SH3RF1: variants seen among roughly 807,000 people sequenced by gnomAD.
SH3RF1 encodes the protein SH3 domain containing ring finger 1, also known as E3 ubiquitin-protein ligase SH3RF1.
Under a neutral mutation model 74.0 loss-of-function variants are expected in SH3RF1, and 32 were observed. That is an observed-to-expected ratio of 0.43 (90% confidence interval 0.33 to 0.58). The LOEUF is 0.58. Ranked by LOEUF, SH3RF1 falls within the 20% of genes least tolerant of loss-of-function variation. The pLI is 0.05. For synonymous variants in SH3RF1, 396 were observed against 439.6 expected (o/e 0.90, Z 1.24); for missense variants, 954 against 1,130.9 (o/e 0.84, Z 2.24).
At chr4:169,209,282 C>A (rs1483179674) in intron 2 of SH3RF1, among the ~76,000 whole-genome samples, 1 of 150,096 alleles carries the variant, frequency 6.7e-6, no homozygotes, top group Non-Finnish European at 1.5e-5. Flanking sequence ...GAACAAGACC[C>A]TGTCCGAAAA....
rs768086359 is a variant in SH3RF1, at chr4:169,095,414, G to T, written c.*1105C>A. 2.0e-5 allele frequency: 3 copies of T among 152,522 alleles called. No homozygotes were observed. Among genetic ancestry groups the T allele is most frequent in the Non-Finnish European group, 4.4e-5 (3 of 68,024 alleles). The allele number at this position is 152,522 out of a possible 1,614,324, so 9.4% of individuals were successfully genotyped here. ...TACAAACTCATCTTAACAGGAAATC[G>T]CAATGAAATATACACACCATGCACA... On this transcript the variant is annotated 3_prime_UTR_variant, in exon 12 of 12. Coordinates refer to ENST00000284637, the MANE Select transcript of SH3RF1 (RefSeq NM_020870.4).
At chr4:169,151,371 C>G (rs548080770) in intron 4 of SH3RF1, among the ~76,000 whole-genome samples, 1 of 152,288 alleles carries the variant, frequency 6.6e-6, no homozygotes, top group Admixed American at 6.5e-5. Context: ...CTTGCTGGTA[C>G]CAGGCACTAT....
At chr4:169,114,922 A>C (rs1230319612) in intron 10 of SH3RF1, among the ~76,000 whole-genome samples, 2 of 152,218 alleles carry the variant, frequency 1.3e-5, no homozygotes, top group African/African-American at 4.8e-5. Flanking sequence ...GATCGCCCTC[A>C]AACTTCCCAG....
chr4:169,184,446 T>A (rs1256669968), intron 2 of SH3RF1, among the ~76,000 whole-genome samples: 1 of 152,202 alleles, frequency 6.6e-6, no homozygotes, highest in Non-Finnish European at 1.5e-5. Context: ...AGACCCGGGC[T>A]TGCATCCAGG....
At chr4:169,158,021 G>A (rs949245665) in intron 2 of SH3RF1, among the ~76,000 whole-genome samples, 2 of 152,228 alleles carry the variant, frequency 1.3e-5, no homozygotes, top group Non-Finnish European at 2.9e-5. Flanking sequence ...TTATAGGCAT[G>A]AGCCATCGCA....
chr4:169,166,814 G>A (rs753850201), intron 2 of SH3RF1: 3 of 264,648 alleles, frequency 1.1e-5, no homozygotes, highest in African/African-American at 2.3e-5. Context: ...CCTCAATTGA[G>A]TTCCTCTAGA....
intron 2 of SH3RF1, among the ~76,000 whole-genome samples, chr4:169,220,728 A>G (rs1394404744): frequency 6.6e-6 from 1 of 152,240 alleles, no homozygotes; most frequent in East Asian, 1.9e-4. Context: ...TGCAACACAA[A>G]GCTTGAACAT....
At chr4:169,223,707 T>C (rs1370762709) in intron 2 of SH3RF1, among the ~76,000 whole-genome samples, 1 of 152,170 alleles carries the variant, frequency 6.6e-6, no homozygotes, top group African/African-American at 2.4e-5. Context: ...TATCAACAAA[T>C]AATTATAGAA....
intron 2 of SH3RF1, chr4:169,217,339 G>C (rs191787679): frequency 6.6e-6 from 1 of 152,420 alleles, no homozygotes; most frequent in East Asian, 1.9e-4. Flanking sequence ...AAGAAATCTA[G>C]AAGCCAACGA....
intron 2 of SH3RF1, among the ~76,000 whole-genome samples, chr4:169,235,080 G>A (rs945344831): frequency 6.6e-6 from 1 of 151,884 alleles, no homozygotes; most frequent in Non-Finnish European, 1.5e-5. Context: ...TGATATATTG[G>A]GTTTGCTAGG....
chr4:169,188,522 G>A (rs1263000861), intron 2 of SH3RF1, among the ~76,000 whole-genome samples: 1 of 152,118 alleles, frequency 6.6e-6, no homozygotes, highest in Non-Finnish European at 1.5e-5. Context: ...TAACCATTAA[G>A]AAACGATACA....
rs1561028061 is a variant in SH3RF1, at chr4:169,117,654, G to T, written c.1646C>A (p.Ala549Asp). 2 of 1,614,184 alleles carry T rather than the reference G, an allele frequency of 1.2e-6. No homozygotes were observed. Among genetic ancestry groups the T allele is most frequent in the Middle Eastern group, 1.6e-4 (1 of 6,062 alleles). ...TGCGGGGACAACACTGGGACTCCCA[G>T]CCACGCCATTTCCCTGGAGCTTCTG... Reference protein sequence around the residue: ...PAQKLQGNGVAGSPSVVPAAV... With the variant: ...PAQKLQGNGVDGSPSVVPAAV... Residue 549 changes from alanine (A) to aspartate (D), a missense_variant, in exon 9 of 12, where the codon GCT (alanine) becomes GAT (aspartate). Ala to Asp is a moderately radical substitution (Grantham distance 126, BLOSUM62 -2). Coordinates refer to ENST00000284637, the MANE Select transcript of SH3RF1 (RefSeq NM_020870.4).
chr4:169,125,793 G>T (rs1329440354), intron 6 of SH3RF1, among the ~76,000 whole-genome samples: 1 of 152,212 alleles, frequency 6.6e-6, no homozygotes, highest in Non-Finnish European at 1.5e-5. Context: ...AACAGTCCTT[G>T]TGTGTACTGA....
At chr4:169,119,278 A>ATTTTTTTTTT (rs11397253) in intron 8 of SH3RF1, among the ~76,000 whole-genome samples, 2 of 66,394 alleles carry the variant, frequency 3.0e-5, no homozygotes, top group Non-Finnish European at 5.6e-5. Context: ...TAATTTTTGT[A>ATTTTTTTTTT]TTTTTTTTTT....
In SH3RF1 at chr4:169,174,909, G is replaced by A. The variant is rs919640862; in HGVS notation, c.394-18230C>T. ...ACCTCAGCTATAACCTCTCCCCTGC[G>A]CACCAAGGGCCTACTTCACATCTCC... is the stretch of plus-strand genomic sequence containing the variant. On this transcript the variant is annotated intron_variant, in intron 2 of 11. Transcript: ENST00000284637. 2.6e-5 allele frequency among the ~76,000 whole-genome samples: 4 copies of A among 152,054 alleles called. No individual in the cohort carries two copies. The East Asian group carries it at 5.8e-4, about 22-fold the overall frequency.
chr4:169,137,521 T>A (rs1245294163), intron 4 of SH3RF1, among the ~76,000 whole-genome samples: 2 of 152,134 alleles, frequency 1.3e-5, no homozygotes, highest in Non-Finnish European at 2.9e-5. Flanking sequence ...TCAAAAAAAA[T>A]TGAGATGCAA....
At chr4:169,255,601 A>C (rs911064591) in intron 2 of SH3RF1, among the ~76,000 whole-genome samples, 4 of 141,988 alleles carry the variant, frequency 2.8e-5, no homozygotes, top group Non-Finnish European at 3.0e-5. Context: ...GCATGGATAC[A>C]TACACACATA....
At chr4:169,177,175 A>C (rs147133180) in intron 2 of SH3RF1, among the ~76,000 whole-genome samples, 71 of 152,344 alleles carry the variant, frequency 4.7e-4, no homozygotes, top group Non-Finnish European at 6.2e-4. Context: ...AATTATTACA[A>C]AGCAAATAAG....
chr4:169,116,988 A>G (rs921754460), intron 9 of SH3RF1, among the ~76,000 whole-genome samples: 1 of 152,170 alleles, frequency 6.6e-6, no homozygotes, highest in East Asian at 1.9e-4. Flanking sequence ...CCTATTATTC[A>G]TTCCCTTTTC....
Sources: allele counts gnomAD v4.1 joint callset (sites outside exome capture counted in the v4.1 genomes callset), GRCh38; gene constraint gnomAD v4.1.1; transcripts MANE v1.5; gene names NCBI Gene and HGNC (gene_info 2026-07-23, HGNC 2026-07-21).